Variants in PPP2R5C observed in about 807,000 individuals in gnomAD.
PPP2R5C encodes the protein protein phosphatase 2 regulatory subunit B'gamma.
PPP2R5C carries 7 observed loss-of-function variants against 68.9 expected under a neutral mutation model. That is an observed-to-expected ratio of 0.10 (90% CI 0.06 to 0.19). PPP2R5C has a LOEUF of 0.19. PPP2R5C is among the 10% of genes least tolerant of loss of function. The pLI is 1.00. For synonymous variants in PPP2R5C, 210 were observed against 222.2 expected, an observed-to-expected ratio of 0.95 and a Z score of 0.49; for missense variants, 348 against 641.3, an observed-to-expected ratio of 0.54 and a Z score of 4.94.
At chr14:101,808,118 G>T (rs142101530), upstream of PPP2R5C, among the ~76,000 whole-genome samples, 360 of 151,374 alleles carry the variant, frequency 2.4e-3, 3 homozygotes, top group Middle Eastern at 0.014. Flanking sequence ...GGAGGCTGGG[G>T]TGTGGGGCAG....
intron 11 of PPP2R5C, among the ~76,000 whole-genome samples, chr14:101,911,437 A>G (rs2720208): frequency 0.36 from 54,102 of 152,112 alleles, 13,664 homozygotes; most frequent in African/African-American, 0.73. Flanking sequence ...TGCCAGCTGC[A>G]TGGTCTGTTC....
Position 101,833,847 on chromosome 14 carries a change from G to C in PPP2R5C, c.95-22839G>C, listed in dbSNP as rs188258563. 2.0e-5 allele frequency among the ~76,000 whole-genome samples: 3 copies of C among 152,308 alleles called. No individual in the cohort carries two copies. The East Asian group carries it at 5.8e-4, about 29-fold the overall frequency. ...GACGGAGTCTCGCTCTGTCACCCAGGCTGGAGTGCAGTGGCGCGATCTCAG... is the reference window on the plus strand; with the variant it reads ...GACGGAGTCTCGCTCTGTCACCCAGCCTGGAGTGCAGTGGCGCGATCTCAG... On this transcript the variant is annotated intron_variant, in intron 1 of 13. Coordinates refer to ENST00000334743, the Ensembl canonical transcript of PPP2R5C.
chr14:101,904,126 G>A (rs561956651), intron 9 of PPP2R5C, among the ~76,000 whole-genome samples: 1 of 152,182 alleles, frequency 6.6e-6, no homozygotes, highest in Non-Finnish European at 1.5e-5. Context: ...TGGGTGGTGG[G>A]TGGGTGGATG....
upstream of PPP2R5C, among the ~76,000 whole-genome samples, chr14:101,808,674 A>G (rs1317298067): frequency 6.6e-6 from 1 of 152,196 alleles, no homozygotes; most frequent in African/African-American, 2.4e-5. Flanking sequence ...TTTAGGAACT[A>G]AAGGGCTTTT....
chr14:101,912,188 A>C (rs2046429712), intron 11 of PPP2R5C, among the ~76,000 whole-genome samples: 1 of 152,246 alleles, frequency 6.6e-6, no homozygotes, highest in African/African-American at 2.4e-5. Flanking sequence ...TAAGAATTCC[A>C]ATCTTGGACA....
rs1025536363 is a variant in PPP2R5C, at chr14:101,916,128, GC to G, written c.1327-1700del. Among the ~76,000 whole-genome samples the G allele has an allele frequency of 7.2e-5, 11 of 152,206 alleles. No homozygotes were observed. The highest frequency in any genetic ancestry group is 2.7e-4 in the African/African-American group (11 of 41,458). ...TTAAAGAGCCATAAAGGGCAAAATG[GC>G]CCAGCCCGACTTGCATTTTTGCAAG... On this transcript the variant is annotated intron_variant, in intron 12 of 13. Coordinates refer to ENST00000334743, the Ensembl canonical transcript of PPP2R5C. The surrounding 1 kb of genome is among the most constrained non-coding windows in gnomAD (Gnocchi z 5.5).
At chr14:101,831,574 A>T in intron 1 of PPP2R5C, 1 of 501,568 alleles carries the variant, frequency 2.0e-6, no homozygotes, top group Non-Finnish European at 3.6e-6. Flanking sequence ...GAGTTGTAAG[A>T]TGGGACACAA....
intron 1 of PPP2R5C, among the ~76,000 whole-genome samples, chr14:101,837,633 C>G (rs1301284644): frequency 6.6e-6 from 1 of 152,206 alleles, no homozygotes; most frequent in African/African-American, 2.4e-5. Flanking sequence ...CTTCGTCGCT[C>G]AAGCAAAACT....
At chr14:101,885,014 C>G (rs2044403645) in intron 5 of PPP2R5C, among the ~76,000 whole-genome samples, 1 of 152,252 alleles carries the variant, frequency 6.6e-6, no homozygotes. Flanking sequence ...CAGCTTGCCT[C>G]TAAGGCATCT....
At chr14:101,836,450 T>C (rs746072166) in intron 1 of PPP2R5C, 3 of 686,572 alleles carry the variant, frequency 4.4e-6, no homozygotes, top group East Asian at 2.7e-5. Flanking sequence ...TGGTTTTGTA[T>C]TGTAAATGAG....
intron 13 of PPP2R5C, among the ~76,000 whole-genome samples, chr14:101,918,724 C>T (rs975907870): frequency 4.6e-5 from 6 of 130,274 alleles, no homozygotes; most frequent in Non-Finnish European, 9.7e-5. Flanking sequence ...GAGCCTCCGA[C>T]CACTGTTACT....
chr14:101,790,436 C>G (rs1264297542), intron 3 of PPP2R5C, among the ~76,000 whole-genome samples: 1 of 152,266 alleles, frequency 6.6e-6, no homozygotes, highest in Non-Finnish European at 1.5e-5. Context: ...CGGGCCCCAG[C>G]TGCAGGCACC....
chr14:101,775,128 A>G (rs1261337806), intron 2 of PPP2R5C, among the ~76,000 whole-genome samples: 1 of 152,206 alleles, frequency 6.6e-6, no homozygotes, highest in Non-Finnish European at 1.5e-5. Flanking sequence ...AGTACTAGCC[A>G]TGGTCTGTGG....
intron 1 of PPP2R5C, among the ~76,000 whole-genome samples, chr14:101,843,121 G>A (rs1034255704): frequency 6.6e-6 from 1 of 152,142 alleles, no homozygotes; most frequent in African/African-American, 2.4e-5. Context: ...CTAACTGCTT[G>A]GGAGGCTGGG....
intron 1 of PPP2R5C, chr14:101,817,969 A>G (rs2039823449): frequency 6.6e-6 from 1 of 151,788 alleles, no homozygotes; most frequent in Admixed American, 6.6e-5. Flanking sequence ...CTCCAGCTGT[A>G]TTATCTGTAT....
At chr14:101,765,495 G>A (rs1190998044) in intron 2 of PPP2R5C, 2 of 476,244 alleles carry the variant, frequency 4.2e-6, no homozygotes, top group African/African-American at 2.0e-5. Context: ...CTCTCTCTCA[G>A]TATTACTCTT....
At chr14:101,852,469 C>CTTTTTTTTTTTTTTTTTTTT (rs559509845) in intron 1 of PPP2R5C, among the ~76,000 whole-genome samples, 2 of 115,106 alleles carry the variant, frequency 1.7e-5, no homozygotes, top group African/African-American at 3.3e-5. Flanking sequence ...TTTTCTTTTT[C>CTTTTTTTTTTTTTTTTTTTT]TTTTTTTTTT....
chr14:101,897,402 A>ATT (rs56037155), intron 8 of PPP2R5C, among the ~76,000 whole-genome samples: 27 of 141,510 alleles, frequency 1.9e-4, no homozygotes, highest in African/African-American at 5.1e-4. Flanking sequence ...GAGAGGTTGT[A>ATT]TTTTTTTTTT....
At position 101,906,472 on chromosome 14, in the gene PPP2R5C, A is replaced by G. The variant is rs1186848257; in HGVS notation, c.1094A>G (p.Lys365Arg). 1.2e-6 allele frequency: 2 copies of G among 1,613,778 alleles called. No individual in the cohort carries two copies. Among genetic ancestry groups the G allele is most frequent in the South Asian group, 2.2e-5 (2 of 90,960 alleles). Residue 365 changes from lysine (K) to arginine (R), a missense_variant, in exon 10 of 14, where the codon AAG becomes AGG. Lys to Arg is a conservative substitution (Grantham distance 26, BLOSUM62 2). Transcript: ENST00000334743. This position sits in a 1 kb window ranked among gnomAD's most constrained non-coding sequence, Gnocchi z 4.0. ...AGTTTAATCAGTGACAACGCAGCGA[A>G]GATTCTGCCCATCATGTTTCCTTCC...
Sources: allele counts gnomAD v4.1 joint callset (sites outside exome capture counted in the v4.1 genomes callset), GRCh38; gene constraint gnomAD v4.1.1; non-coding constraint Gnocchi (gnomAD v3.1); transcripts MANE v1.5; gene names NCBI Gene and HGNC (gene_info 2026-07-23, HGNC 2026-07-21).